The following KDM4C variants were observed in gnomAD, a reference collection of about 807,000 sequenced individuals.
KDM4C encodes lysine demethylase 4C.
KDM4C carries 81 observed loss-of-function variants against 129.3 expected under a neutral mutation model. The observed-to-expected ratio is 0.63, with a 90% CI of 0.52 to 0.75. The LOEUF (loss-of-function observed/expected upper bound fraction) is 0.75. Ranked by LOEUF, KDM4C falls within the 30% of genes least tolerant of loss-of-function variation. The pLI is 0.00. For synonymous variants in KDM4C, 573 were observed against 456.1 expected, an observed-to-expected ratio of 1.26 and a Z score of -3.26; for missense variants, 1,457 against 1,304.0, an observed-to-expected ratio of 1.12 and a Z score of -1.81.
At chr9:7,077,076 C>A (rs957389870) in intron 17 of KDM4C, 3 of 985,380 alleles carry the variant, frequency 3.0e-6, no homozygotes, top group East Asian at 2.3e-4. Flanking sequence ...AAAACTATCA[C>A]TCATTCATCA....
At chr9:7,128,393 A>T (rs1402357968) in intron 19 of KDM4C, among the ~76,000 whole-genome samples, 157 bp downstream of exon 19, 1 of 152,076 alleles carries the variant, frequency 6.6e-6, no homozygotes, top group East Asian at 1.9e-4. Flanking sequence ...GTGAACTTAG[A>T]CTGATCTTCC....
chr9:6,979,779 A>G (rs1156765966), intron 8 of KDM4C, among the ~76,000 whole-genome samples: 1 of 152,156 alleles, frequency 6.6e-6, no homozygotes, highest in Non-Finnish European at 1.5e-5. Flanking sequence ...AGGAATTGAG[A>G]CAGGAGATGC....
At chr9:6,731,728 T>A (rs989461144) in intron 1 of KDM4C, among the ~76,000 whole-genome samples, 1 of 152,138 alleles carries the variant, frequency 6.6e-6, no homozygotes, top group African/African-American at 2.4e-5. Flanking sequence ...AAAAAAATTA[T>A]CCCTTTCTGG....
chr9:6,800,043 C>T (rs548285099), intron 2 of KDM4C, among the ~76,000 whole-genome samples: 11 of 150,230 alleles, frequency 7.3e-5, no homozygotes, highest in East Asian at 3.9e-4. Flanking sequence ...GGCAACATAG[C>T]GAGACCACAT....
At chr9:7,154,937 A>G (rs1843018686) in intron 19 of KDM4C, among the ~76,000 whole-genome samples, 1 of 152,224 alleles carries the variant, frequency 6.6e-6, no homozygotes, top group South Asian at 2.1e-4. Context: ...AAGAGTCTGG[A>G]CAGCAACTGA....
chr9:7,109,174 C>T (rs1387789591), intron 18 of KDM4C, among the ~76,000 whole-genome samples: 4 of 152,132 alleles, frequency 2.6e-5, no homozygotes, highest in Non-Finnish European at 5.9e-5. Context: ...TAGGCTGTTG[C>T]CAGATCTGAA....
chr9:6,848,503 A>C (rs1838259727), intron 4 of KDM4C, among the ~76,000 whole-genome samples: 1 of 151,970 alleles, frequency 6.6e-6, no homozygotes, highest in Non-Finnish European at 1.5e-5. Flanking sequence ...TCCTGTCTCT[A>C]CTCAAAATAC....
At chr9:6,746,928 T>C (rs184960025) in intron 1 of KDM4C, among the ~76,000 whole-genome samples, 2,045 of 133,912 alleles carry the variant, frequency 0.015, 23 homozygotes, top group African/African-American at 0.044. Flanking sequence ...ATGGCGTGAA[T>C]CCGGGAGGCG....
chr9:7,141,014 G>C (rs1841688075), intron 19 of KDM4C, among the ~76,000 whole-genome samples: 1 of 152,234 alleles, frequency 6.6e-6, no homozygotes, highest in Admixed American at 6.5e-5. Flanking sequence ...GCCTGGAGAA[G>C]AAGGAAAGGG....
chr9:7,169,485 G>A (rs1028157867), intron 20 of KDM4C, among the ~76,000 whole-genome samples: 4 of 152,040 alleles, frequency 2.6e-5, no homozygotes, highest in Admixed American at 6.5e-5. Flanking sequence ...ACAGGCATGC[G>A]CCACCATGCC....
At chr9:6,735,667 C>G (rs1159381673) in intron 1 of KDM4C, among the ~76,000 whole-genome samples, 2 of 152,188 alleles carry the variant, frequency 1.3e-5, no homozygotes, top group Non-Finnish European at 2.9e-5. Flanking sequence ...GTGAGGCCTC[C>G]TCACCCATGT....
At chr9:6,756,871 T>TA (rs1398497999), upstream of KDM4C, among the ~76,000 whole-genome samples, 3 of 152,232 alleles carry the variant, frequency 2.0e-5, no homozygotes, top group African/African-American at 7.2e-5. Context: ...AAGCGCGTGG[T>TA]AAGCGGTGTC....
chr9:6,915,444 C>T (rs1309481850), intron 8 of KDM4C, among the ~76,000 whole-genome samples: 1 of 152,188 alleles, frequency 6.6e-6, no homozygotes, highest in Non-Finnish European at 1.5e-5. Flanking sequence ...ATGCCTGCCA[C>T]TTTGAGGTTC....
At chr9:6,878,188 A>G (rs1161643756) in intron 5 of KDM4C, among the ~76,000 whole-genome samples, 1 of 152,202 alleles carries the variant, frequency 6.6e-6, no homozygotes, top group Non-Finnish European at 1.5e-5. Context: ...GGGAAATATT[A>G]CATGTCTTCC....
At chr9:7,120,931 A>G (rs1839421030) in intron 18 of KDM4C, among the ~76,000 whole-genome samples, 1 of 152,196 alleles carries the variant, frequency 6.6e-6, no homozygotes, top group Admixed American at 6.6e-5. Context: ...TAAAAATTGG[A>G]AGGACTCTTA....
intron 8 of KDM4C, among the ~76,000 whole-genome samples, chr9:6,895,626 G>C (rs1056026305): frequency 1.3e-5 from 2 of 152,140 alleles, no homozygotes; most frequent in African/African-American, 4.8e-5. Context: ...CTTTGGGCTG[G>C]GGCAGTAGCT....
intron 15 of KDM4C, among the ~76,000 whole-genome samples, chr9:7,020,125 G>A (rs999849324): frequency 5.3e-5 from 8 of 151,890 alleles, no homozygotes; most frequent in Admixed American, 1.3e-4. Flanking sequence ...TTCCATTCAC[G>A]TCCATTAAAA....
At chr9:6,898,608 C>T (rs1418003023) in intron 8 of KDM4C, among the ~76,000 whole-genome samples, 2 of 152,090 alleles carry the variant, frequency 1.3e-5, no homozygotes, top group East Asian at 1.9e-4. Context: ...ATACTTGAAT[C>T]CTCAAATGTT....
chr9:7,112,801 C>T (rs1361213423), intron 18 of KDM4C, among the ~76,000 whole-genome samples: 1 of 152,160 alleles, frequency 6.6e-6, no homozygotes, highest in Non-Finnish European at 1.5e-5. Flanking sequence ...CAGAATTTAG[C>T]TAACACTTAT....
Sources: gnomAD v4.1 joint callset for allele counts (sites outside exome capture counted in the v4.1 genomes callset) on GRCh38, gnomAD v4.1.1 for gene constraint, MANE v1.5 for transcripts, NCBI Gene and HGNC (gene_info 2026-07-23, HGNC 2026-07-21) for gene names.